The following GRHL2 variants were observed in gnomAD, a reference collection of about 807,000 sequenced individuals.
GRHL2 encodes the protein grainyhead-like protein 2 homolog.
GRHL2 carries 21 observed loss-of-function variants against 83.8 expected under a neutral mutation model. The ratio of observed to expected loss-of-function variants is 0.25; its 90% CI spans 0.18 to 0.36. The LOEUF (loss-of-function observed/expected upper bound fraction) is 0.36. GRHL2 is among the 10% of genes least tolerant of loss of function. GRHL2 has a pLI of 1.00. For synonymous variants in GRHL2, 280 were observed against 278.9 expected (o/e 1.00, Z -0.04); for missense variants, 623 against 781.8 (o/e 0.80, Z 2.42).
intron 3 of GRHL2, among the ~76,000 whole-genome samples, chr8:101,553,814 GAC>G (rs1262320806): frequency 6.6e-6 from 1 of 151,262 alleles, no homozygotes; most frequent in African/African-American, 2.5e-5. Context: ...TTTTGGTAGA[GAC>G]AGAGTTTCAC....
chr8:101,672,766 T>C (rs1361983758), downstream of GRHL2, among the ~76,000 whole-genome samples: 1 of 150,768 alleles, frequency 6.6e-6, no homozygotes, highest in Admixed American at 6.6e-5. Flanking sequence ...TTCACCAAAG[T>C]TGAAATGAAG....
chr8:101,494,462 AGAG>A (rs1810052878), intron 1 of GRHL2, among the ~76,000 whole-genome samples: 2 of 152,244 alleles, frequency 1.3e-5, no homozygotes, highest in Admixed American at 1.3e-4. Context: ...CAGGGTAGGA[AGAG>A]GAGAGTGTGT....
chr8:101,535,697 C>T lies in GRHL2; in HGVS notation c.21-7544C>T, dbSNP rs184815618. On this transcript the variant is annotated intron_variant, in intron 1 of 15. Coordinates refer to ENST00000646743, the MANE Select transcript of GRHL2 (RefSeq NM_024915.4). ...GGGATTACAGGCGCGCACCACCACA[C>T]CTGGCTAATTTTTTGTATTTTTAGT... 6.4e-3 allele frequency among the ~76,000 whole-genome samples: 976 copies of T among 152,204 alleles called. 5 individuals carry two copies. The highest frequency in any genetic ancestry group is 0.014 in the Admixed American group (221 of 15,276).
the GRHL2 span, among the ~76,000 whole-genome samples, chr8:101,677,417 A>G: frequency 9.4e-4 from 142 of 151,422 alleles, no homozygotes; most frequent in South Asian, 2.9e-3. Flanking sequence ...AACCCCGACC[A>G]TCTCCACCCC....
chr8:101,652,337 GTGTA>G (rs1203909305), intron 14 of GRHL2, among the ~76,000 whole-genome samples: 1 of 100,018 alleles, frequency 1.0e-5, no homozygotes. Context: ...TGTGGTGTGT[GTGTA>G]TGTGTGTGGT....
In GRHL2 at chr8:101,560,176, T is replaced by G. The variant is rs933809548; in HGVS notation, c.678+1364T>G. Among the ~76,000 whole-genome samples the G allele has an allele frequency of 1.8e-4, 27 of 149,064 alleles. No individual in the cohort carries two copies. In the South Asian group the frequency reaches 5.6e-3, roughly 31 times the overall value. The stretch of plus-strand genomic sequence containing the variant: ...GTGCACCACCATGCCTGGCTAAATT[T>G]TGTGTGTGTGTGTGTGTGTGTGTGT... On this transcript the variant is annotated intron_variant, in intron 4 of 15. Coordinates refer to ENST00000646743, the MANE Select transcript of GRHL2 (RefSeq NM_024915.4).
chr8:101,522,972 C>T lies in GRHL2; in HGVS notation c.21-20269C>T, dbSNP rs569825991. Among the ~76,000 whole-genome samples the T allele has an allele frequency of 4.6e-5, 7 of 151,156 alleles. No individual in the cohort carries two copies. The South Asian group carries it at 6.3e-4, about 14-fold the overall frequency. ...TCACCCAGGCTGGAGTGCAGTGGTG[C>T]GATTTCTGCTCACTGCAACCTCCGC... On this transcript the variant is annotated intron_variant, in intron 1 of 15. Coordinates refer to ENST00000646743, the MANE Select transcript of GRHL2 (RefSeq NM_024915.4).
At chr8:101,514,667 G>A (rs1810532826) in intron 1 of GRHL2, among the ~76,000 whole-genome samples, 1 of 152,200 alleles carries the variant, frequency 6.6e-6, no homozygotes, top group Non-Finnish European at 1.5e-5. Context: ...GCTGCAAGGT[G>A]CCTGCTAGTG....
intron 14 of GRHL2, among the ~76,000 whole-genome samples, chr8:101,652,594 G>GAT (rs1183576666): frequency 6.5e-4 from 58 of 89,244 alleles, no homozygotes; most frequent in Non-Finnish European, 9.2e-4. Context: ...GTGTCTGTGT[G>GAT]TGTGTGGTGT....
intron 1 of GRHL2, among the ~76,000 whole-genome samples, chr8:101,493,833 T>C: frequency 6.6e-6 from 1 of 150,966 alleles, no homozygotes; most frequent in East Asian, 2.0e-4. Flanking sequence ...CGCCCGCGGG[T>C]CACTGGGCCC....
At chr8:101,577,360 A>G (rs1811953652) in intron 6 of GRHL2, 48 bp from the exon 7 acceptor site, 4 of 1,165,556 alleles carry the variant, frequency 3.4e-6, no homozygotes, top group Non-Finnish European at 5.1e-6. Context: ...GACTGAGGCA[A>G]CAGAGGCACT....
chr8:101,540,865 GT>G (rs1350417528), intron 1 of GRHL2, among the ~76,000 whole-genome samples: 1 of 151,870 alleles, frequency 6.6e-6, no homozygotes, highest in Non-Finnish European at 1.5e-5. Flanking sequence ...GGTACAGGTG[GT>G]TTTTGGTTAC....
intron 1 of GRHL2, among the ~76,000 whole-genome samples, chr8:101,541,597 C>T (rs1811155436): frequency 6.6e-6 from 1 of 152,002 alleles, no homozygotes; most frequent in African/African-American, 2.4e-5. Flanking sequence ...TGTCACATGT[C>T]CCTGCCATGT....
chr8:101,492,701 G>T lies in GRHL2; in HGVS notation c.-69G>T. On this transcript the variant is annotated 5_prime_UTR_variant, in exon 1 of 16. Transcript: ENST00000646743. ...GCTCTCACACACCTTCACCTGCACAGACTTGAAAGTCCAGTTTCACCAGAG... is the reference window on the plus strand; with the variant it reads ...GCTCTCACACACCTTCACCTGCACATACTTGAAAGTCCAGTTTCACCAGAG... The T allele has an allele frequency of 7.1e-7, 1 of 1,406,432 alleles. No homozygotes were observed. The highest frequency in any genetic ancestry group is 1.0e-6 in the Non-Finnish European group (1 of 990,124). 87.1% of individuals were successfully genotyped at this position (1,406,432 alleles called of 1,614,324 possible). A position where few individuals can be genotyped will look rare whatever the true frequency, so the allele number is the denominator to read the frequency against.
intron 12 of GRHL2, among the ~76,000 whole-genome samples, chr8:101,641,923 CA>C (rs1339752788): frequency 1.3e-5 from 2 of 152,186 alleles, no homozygotes; most frequent in East Asian, 3.8e-4. Flanking sequence ...TAATCCTATG[CA>C]AATTCTGTGT....
chr8:101,559,351 T>TGCAAAAAAAAA (rs1285229771), intron 4 of GRHL2, among the ~76,000 whole-genome samples: 421 of 19,174 alleles, frequency 0.022, 23 homozygotes, highest in Middle Eastern at 0.056. Context: ...CTACTAAAAA[T>TGCAAAAAAAAA]ACAAAAAAAA....
At chr8:101,644,076 G>A (rs112475694) in intron 12 of GRHL2, 55 bp from the exon 13 acceptor site, 43 of 1,435,014 alleles carry the variant, frequency 3.0e-5, no homozygotes, top group African/African-American at 7.0e-5. Context: ...ACATGTGAAC[G>A]TGTGTTTTGA....
chr8:101,545,471 A>T (rs973928653), intron 2 of GRHL2, among the ~76,000 whole-genome samples: 3 of 108,392 alleles, frequency 2.8e-5, no homozygotes, highest in Non-Finnish European at 6.1e-5. Context: ...AAAAAAAAAA[A>T]AGTCTGAAAA....
intron 1 of GRHL2, among the ~76,000 whole-genome samples, chr8:101,528,546 T>G (rs925492152): frequency 1.3e-5 from 2 of 152,144 alleles, no homozygotes; most frequent in African/African-American, 4.8e-5. Flanking sequence ...GGGGAACATG[T>G]GCCCTCATTG....
Sources: gnomAD v4.1 joint callset for allele counts (sites outside exome capture counted in the v4.1 genomes callset) on GRCh38, gnomAD v4.1.1 for gene constraint, MANE v1.5 for transcripts, NCBI Gene and HGNC (gene_info 2026-07-23, HGNC 2026-07-21) for gene names.